KCNIP4: variants seen among roughly 807,000 people sequenced by gnomAD.
The protein encoded by KCNIP4 is Kv channel-interacting protein 4.
Under a neutral mutation model 34.0 loss-of-function variants are expected in KCNIP4, and 12 were observed. The ratio of observed to expected loss-of-function variants is 0.35; its 90% CI spans 0.23 to 0.57. KCNIP4 has a LOEUF of 0.57. KCNIP4 is among the 20% of genes least tolerant of loss of function. The pLI is 0.83. For missense variants in KCNIP4, 238 were observed against 311.7 expected, an observed-to-expected ratio of 0.76 and a Z score of 1.78; for synonymous variants, 124 against 102.2, an observed-to-expected ratio of 1.21 and a Z score of -1.29.
chr4:21,894,560 A>G (rs948861897), intron 1 of KCNIP4, among the ~76,000 whole-genome samples: 3 of 152,180 alleles, frequency 2.0e-5, no homozygotes, highest in Admixed American at 2.0e-4. Flanking sequence ...CATAGAGATA[A>G]TATGTCATTT....
chr4:21,457,345 A>T (rs1021737632), intron 1 of KCNIP4, among the ~76,000 whole-genome samples: 1 of 151,926 alleles, frequency 6.6e-6, no homozygotes, highest in East Asian at 1.9e-4. Flanking sequence ...TGCCAGGTTT[A>T]ATGCCTTTTA....
chr4:21,763,538 C>T (rs1214982192), intron 1 of KCNIP4, among the ~76,000 whole-genome samples: 1 of 152,070 alleles, frequency 6.6e-6, no homozygotes, highest in East Asian at 1.9e-4. Context: ...GGTAAATGTG[C>T]CATTCTAGAG....
At chr4:21,642,982 G>GT (rs1746721181) in intron 1 of KCNIP4, among the ~76,000 whole-genome samples, 2 of 152,058 alleles carry the variant, frequency 1.3e-5, no homozygotes, top group Non-Finnish European at 1.5e-5. Context: ...AAAAATAAAG[G>GT]TAAGGTGACC....
At chr4:21,925,676 CT>C (rs1729203651) in intron 1 of KCNIP4, among the ~76,000 whole-genome samples, 1 of 152,096 alleles carries the variant, frequency 6.6e-6, no homozygotes, top group South Asian at 2.1e-4. Context: ...TCATGAAGGT[CT>C]CTAGGAAAGT....
chr4:21,004,639 G>A (rs1332130223), intron 1 of KCNIP4, among the ~76,000 whole-genome samples: 3 of 152,198 alleles, frequency 2.0e-5, no homozygotes, highest in Admixed American at 1.3e-4. Flanking sequence ...TGGAAGCAGA[G>A]AGGGAAAGCC....
intron 1 of KCNIP4, among the ~76,000 whole-genome samples, chr4:21,515,723 G>T (rs1577501181): frequency 6.6e-6 from 1 of 152,262 alleles, no homozygotes; most frequent in African/African-American, 2.4e-5. Flanking sequence ...TCACAGGACT[G>T]GTTCATTATC....
chr4:20,834,882 G>GAT (rs2149462998), intron 3 of KCNIP4, among the ~76,000 whole-genome samples: 1 of 152,286 alleles, frequency 6.6e-6, no homozygotes, highest in Non-Finnish European at 1.5e-5. Context: ...GTGTTTGTCA[G>GAT]ATATATAGTT....
intron 1 of KCNIP4, among the ~76,000 whole-genome samples, chr4:21,831,015 T>C (rs1468259686): frequency 2.0e-5 from 3 of 152,122 alleles, no homozygotes; most frequent in Admixed American, 2.0e-4. Context: ...CCTGGAAAAT[T>C]CACAAGTATG....
At chr4:21,540,087 G>T (rs1049274619) in intron 1 of KCNIP4, among the ~76,000 whole-genome samples, 3 of 151,858 alleles carry the variant, frequency 2.0e-5, no homozygotes, top group African/African-American at 7.3e-5. Context: ...ATGTAGTCAC[G>T]CATTATTATA....
chr4:20,998,593 C>A (rs1400379530), intron 1 of KCNIP4, among the ~76,000 whole-genome samples: 1 of 152,220 alleles, frequency 6.6e-6, no homozygotes, highest in Non-Finnish European at 1.5e-5. Flanking sequence ...GTCCATTGGT[C>A]TACTGAAGTT....
intron 5 of KCNIP4, among the ~76,000 whole-genome samples, chr4:20,748,768 T>G (rs1393425438): frequency 2.7e-5 from 4 of 150,050 alleles, no homozygotes; most frequent in African/African-American, 9.7e-5. Flanking sequence ...ATAAAAGCCT[T>G]CACAGCTGAT....
intron 2 of KCNIP4, among the ~76,000 whole-genome samples, chr4:20,879,335 G>A (rs548509660): frequency 1.3e-5 from 2 of 152,264 alleles, no homozygotes; most frequent in South Asian, 2.1e-4. Flanking sequence ...CAGGTAGCTC[G>A]ATGGGAGAAG....
chr4:21,880,760 C>A (rs538298740), intron 1 of KCNIP4, among the ~76,000 whole-genome samples: 52 of 152,268 alleles, frequency 3.4e-4, no homozygotes, highest in African/African-American at 1.2e-3. Flanking sequence ...CAGCAAATGG[C>A]AATGCTAGAA....
At chr4:21,198,516 AC>A (rs909624438) in intron 1 of KCNIP4, among the ~76,000 whole-genome samples, 1 of 152,192 alleles carries the variant, frequency 6.6e-6, no homozygotes, top group African/African-American at 2.4e-5. Context: ...TCCTCACAGC[AC>A]ATTTATGAGA....
At chr4:21,856,347 A>C (rs1205423648) in intron 1 of KCNIP4, among the ~76,000 whole-genome samples, 1 of 152,228 alleles carries the variant, frequency 6.6e-6, no homozygotes, top group African/African-American at 2.4e-5. Flanking sequence ...GTAGATGAAT[A>C]TAAAGTTGTG....
rs114021524 is a variant in KCNIP4, at chr4:20,911,614, G to A, written c.62-28905C>T. 7.9e-3 allele frequency among the ~76,000 whole-genome samples: 1,195 copies of A among 152,228 alleles called. 12 individuals are homozygous for A. The highest frequency in any genetic ancestry group is 0.026 in the African/African-American group (1,088 of 41,534). On this transcript the variant is annotated intron_variant, in intron 1 of 8. Coordinates refer to ENST00000382152, the MANE Select transcript of KCNIP4 (RefSeq NM_025221.6). ...TAAGGCTAAATTGCATTGTTCTACC[G>A]TCTTCCTGACATCTTGATGACCTAG...
At chr4:21,122,204 T>A (rs965259264) in intron 1 of KCNIP4, among the ~76,000 whole-genome samples, 1 of 151,992 alleles carries the variant, frequency 6.6e-6, no homozygotes, top group Non-Finnish European at 1.5e-5. Flanking sequence ...CGTACACATT[T>A]TGAAAATCAA....
intron 1 of KCNIP4, among the ~76,000 whole-genome samples, chr4:21,735,664 T>C (rs1321001808): frequency 6.6e-6 from 1 of 152,130 alleles, no homozygotes; most frequent in Non-Finnish European, 1.5e-5. Context: ...ACACATAGCA[T>C]GCCACTGAGA....
rs551182752 is a variant in KCNIP4, at chr4:21,822,911, G to A, written c.61+125660C>T. On this transcript the variant is annotated intron_variant, in intron 1 of 8. Transcript: ENST00000382152. ...TTTTGTAGTTTTAGTAGAGACAGGG[G>A]TTTCACCATGTTGGCCAGGCTGGTC... is the stretch of plus-strand genomic sequence containing the variant. Among the ~76,000 whole-genome samples, 14 of 151,914 alleles carry A rather than the reference G, an allele frequency of 9.2e-5. No individual in the cohort carries two copies. The South Asian group carries it at 1.9e-3, about 20-fold the overall frequency.
Sources: allele counts gnomAD v4.1 joint callset (sites outside exome capture counted in the v4.1 genomes callset), GRCh38; gene constraint gnomAD v4.1.1; transcripts MANE v1.5; gene names NCBI Gene and HGNC (gene_info 2026-07-23, HGNC 2026-07-21).